Variants in IL1RL2 observed in about 807,000 individuals in gnomAD.
The protein encoded by IL1RL2 is interleukin-1 receptor-like 2.
IL1RL2 carries 68 observed loss-of-function variants against 66.8 expected under a neutral mutation model. The ratio of observed to expected loss-of-function variants is 1.02; its 90% CI spans 0.84 to 1.25. The LOEUF is 1.25. IL1RL2 is among the 50% of genes most tolerant of loss of function. The pLI, the probability that IL1RL2 is intolerant of heterozygous loss-of-function variation, is 0.00. For synonymous variants in IL1RL2, 305 were observed against 264.6 expected (o/e 1.15, Z -1.48); for missense variants, 729 against 709.3 (o/e 1.03, Z -0.32).
At position 102,239,403 on chromosome 2, in the gene IL1RL2, GC is replaced by G; in HGVS notation, c.*164del. The G allele has an allele frequency of 1.5e-6, 1 of 645,916 alleles. No individual in the cohort carries two copies. 40.0% of individuals were successfully genotyped at this position (645,916 alleles called of 1,614,324 possible). On this transcript the variant is annotated 3_prime_UTR_variant, in exon 12 of 12. Coordinates refer to ENST00000264257, the MANE Select transcript of IL1RL2 (RefSeq NM_003854.4). ...AGAGGAGGATGGGATAAGAACTGGG[GC>G]CATCCCCATGTCATGGTGGGTGAGA...
At chr2:102,233,857 T>G (rs13428595) in intron 10 of IL1RL2, among the ~76,000 whole-genome samples, 5,255 of 152,196 alleles carry the variant, frequency 0.035, 206 homozygotes, top group African/African-American at 0.1. Context: ...AAATCTGAAA[T>G]AAACATTCTT....
rs1688286578 is a variant in IL1RL2 at position 102,201,828 on chromosome 2, C to T, written c.649+113C>T. The stretch of plus-strand genomic sequence containing the variant: ...GGAGTGATTCTAGGTCTTGGTTTCC[C>T]TGAAGGCTAGTAGGCTCTCAGACCT... On this transcript the variant is annotated intron_variant, in intron 5 of 11. Transcript: ENST00000264257. The T allele has an allele frequency of 4.9e-6, 5 of 1,013,726 alleles. No homozygotes were observed. The East Asian group carries it at 1.1e-4, about 21-fold the overall frequency. The allele number at this position is 1,013,726 out of a possible 1,614,324, so 62.8% of individuals were successfully genotyped here. A position where few individuals can be genotyped will look rare whatever the true frequency, so the allele number is the denominator to read the frequency against.
At chr2:102,192,287 T>C (rs1687300687) in intron 4 of IL1RL2, among the ~76,000 whole-genome samples, 167 bp downstream of exon 4, 1 of 152,230 alleles carries the variant, frequency 6.6e-6, no homozygotes, top group Non-Finnish European at 1.5e-5. Flanking sequence ...CTAATTACTG[T>C]TTTTAAACAT....
intron 5 of IL1RL2, among the ~76,000 whole-genome samples, chr2:102,207,081 C>A (rs1688769023): frequency 6.6e-6 from 1 of 152,150 alleles, no homozygotes; most frequent in Non-Finnish European, 1.5e-5. Flanking sequence ...CCTTAAGGTC[C>A]AAGAGCTCTT....
chr2:102,227,719 G>C (rs890622737), intron 9 of IL1RL2, among the ~76,000 whole-genome samples: 4 of 152,126 alleles, frequency 2.6e-5, no homozygotes, highest in Admixed American at 1.3e-4. Context: ...GAGTGGTTCA[G>C]TTGCTTTCTA....
chr2:102,210,144 G>A, intron 5 of IL1RL2, among the ~76,000 whole-genome samples: 1 of 152,192 alleles, frequency 6.6e-6, no homozygotes, highest in East Asian at 1.9e-4. Context: ...TGATGGTCAG[G>A]AAGCATTATG....
At chr2:102,192,733 G>A (rs1157688132) in intron 4 of IL1RL2, among the ~76,000 whole-genome samples, 2 of 152,172 alleles carry the variant, frequency 1.3e-5, no homozygotes, top group Non-Finnish European at 2.9e-5. Flanking sequence ...AGGAGCACAG[G>A]CTAGTCATTT....
chr2:102,213,962 A>G (rs1007719499), intron 6 of IL1RL2, among the ~76,000 whole-genome samples: 2 of 152,218 alleles, frequency 1.3e-5, no homozygotes, highest in Non-Finnish European at 2.9e-5. Context: ...GAAAGCTTAT[A>G]TAAAACAACA....
intron 9 of IL1RL2, among the ~76,000 whole-genome samples, chr2:102,226,975 G>A (rs1339887540): frequency 2.0e-5 from 3 of 152,172 alleles, no homozygotes; most frequent in Non-Finnish European, 4.4e-5. Context: ...TTTAGTCTGT[G>A]GGCCTATGTC....
At chr2:102,188,653 A>G (rs1686946149) in intron 2 of IL1RL2, among the ~76,000 whole-genome samples, 1 of 150,590 alleles carries the variant, frequency 6.6e-6, no homozygotes. Context: ...TTTTTTTCTT[A>G]AACAATCGTT....
intron 9 of IL1RL2, among the ~76,000 whole-genome samples, chr2:102,227,478 C>T (rs1301626608): frequency 6.6e-6 from 1 of 152,152 alleles, no homozygotes; most frequent in East Asian, 1.9e-4. Context: ...AAGCGATAAA[C>T]TCCTTTTTAA....
intron 3 of IL1RL2, among the ~76,000 whole-genome samples, chr2:102,191,450 G>A (rs963149523): frequency 6.6e-6 from 1 of 152,170 alleles, no homozygotes; most frequent in African/African-American, 2.4e-5. Flanking sequence ...CTGGGATCAT[G>A]CATTGCATTT....
rs370221559 is a variant in IL1RL2 at position 102,233,004 on chromosome 2, C to T, written c.1177C>T (p.His393Tyr). Residue 393 changes from histidine (H) to tyrosine (Y), a missense_variant, in exon 10 of 12, where the codon CAC (histidine) becomes TAC (tyrosine). Physicochemically the swap from His to Tyr is moderately conservative, Grantham distance 83. Transcript: ENST00000264257. ...CGCCTATGTCTTATACCCCAAGCCC[C>T]ACAAGGAAAGCCAGAGGCATGCCGT... The part of the protein sequence containing the change: ...YDAYVLYPKP[H>Y]KESQRHAVDA... 1.9e-6 allele frequency: 3 copies of T among 1,614,160 alleles called. No individual in the cohort carries two copies. In the South Asian group the frequency reaches 3.3e-5, roughly 18 times the overall value.
intron 5 of IL1RL2, among the ~76,000 whole-genome samples, chr2:102,207,038 A>C (rs2141864): frequency 0.28 from 42,678 of 152,172 alleles, 6,623 homozygotes; most frequent in East Asian, 0.39. Flanking sequence ...ACAGCCGGCC[A>C]CAAGGAGTAC....
intron 3 of IL1RL2, among the ~76,000 whole-genome samples, chr2:102,191,106 A>G (rs997758261): frequency 1.3e-4 from 20 of 152,120 alleles, no homozygotes; most frequent in African/African-American, 4.6e-4. Context: ...CTCTTTCACA[A>G]TATATATGAT....
intron 4 of IL1RL2, among the ~76,000 whole-genome samples, chr2:102,200,251 T>C (rs112762279): frequency 6.7e-4 from 102 of 152,298 alleles, no homozygotes; most frequent in African/African-American, 2.3e-3. Context: ...GTTGTCAGAT[T>C]ATGAGTTGGT....
At chr2:102,194,965 G>A (rs1382115487) in intron 4 of IL1RL2, among the ~76,000 whole-genome samples, 2 of 151,924 alleles carry the variant, frequency 1.3e-5, no homozygotes, top group Admixed American at 1.3e-4. Flanking sequence ...TAGGCCGGAT[G>A]GTCTCTGTTT....
At position 102,234,904 on chromosome 2, in the gene IL1RL2, C is replaced by G; in HGVS notation, c.1305C>G (p.Ala435=). The change falls in exon 11 of 12, where the codon GCC becomes GCG. Residue 435 remains alanine (A), a synonymous_variant. Coordinates refer to ENST00000264257, the MANE Select transcript of IL1RL2 (RefSeq NM_003854.4). ...TTCTTTCTTTATTTCCAGCCGTGGC[C>G]AATGTCATCGATGAAAACGTTAAGC... The part of the protein sequence containing the change: ...GRDEFPGQAV[A]NVIDENVKLC... The G allele has an allele frequency of 6.2e-7, 1 of 1,611,130 alleles. No individual in the cohort carries two copies.
intron 5 of IL1RL2, among the ~76,000 whole-genome samples, chr2:102,209,530 T>C (rs1688979046): frequency 6.6e-6 from 1 of 151,376 alleles, no homozygotes; most frequent in Non-Finnish European, 1.5e-5. Context: ...AGCATTATGT[T>C]TATGTTGGAT....
Sources: gnomAD v4.1 joint callset for allele counts (sites outside exome capture counted in the v4.1 genomes callset) on GRCh38, gnomAD v4.1.1 for gene constraint, MANE v1.5 for transcripts, NCBI Gene and HGNC (gene_info 2026-07-23, HGNC 2026-07-21) for gene names.